The following IQSEC1 variants were observed in gnomAD, a reference collection of about 807,000 sequenced individuals.
The protein encoded by IQSEC1 is IQ motif and SEC7 domain-containing protein 1.
A neutral mutation model predicts 91.0 loss-of-function variants in IQSEC1; 31 were observed. The ratio of observed to expected loss-of-function variants is 0.34; its 90% CI spans 0.26 to 0.46. The LOEUF is 0.46. Ranked by LOEUF, IQSEC1 falls within the 20% of genes least tolerant of loss-of-function variation. IQSEC1 has a pLI of 1.00. For synonymous variants in IQSEC1, 699 were observed against 662.6 expected (o/e 1.05, Z -0.84); for missense variants, 1,388 against 1,575.6 (o/e 0.88, Z 2.02).
chr3:12,901,155 T>C lies in IQSEC1; in HGVS notation c.3173A>G (p.Tyr1058Cys), dbSNP rs1694236390. Residue 1058 changes from tyrosine to cysteine, a missense_variant, in exon 14 of 14, where the codon TAC (tyrosine) becomes TGC (cysteine). By Grantham distance (194) the Tyr-to-Cys change is radical. Coordinates refer to ENST00000613206, the MANE Select transcript of IQSEC1 (RefSeq NM_001134382.3). ...PPQHIQHAHQYHHGPHGGHPA... is the reference protein window; with the variant it reads ...PPQHIQHAHQCHHGPHGGHPA... ...GTGGCCCCCATGGGGGCCGTGGTGG[T>C]ACTGGTGTGCGTGCTGGATGTGCTG... The C allele has an allele frequency of 1.9e-6, 3 of 1,543,480 alleles. No individual in the cohort carries two copies. Among genetic ancestry groups the C allele is most frequent in the African/African-American group, 1.4e-5 (1 of 72,890 alleles).
intron 1 of IQSEC1, among the ~76,000 whole-genome samples, chr3:13,175,655 G>A (rs1051532413): frequency 6.6e-6 from 1 of 152,250 alleles, no homozygotes; most frequent in Admixed American, 6.5e-5. Flanking sequence ...GCCATACGCT[G>A]GCTGGCTTAT....
upstream of IQSEC1, among the ~76,000 whole-genome samples, chr3:13,074,526 C>T (rs1383100590): frequency 3.9e-5 from 6 of 152,164 alleles, no homozygotes; most frequent in East Asian, 3.9e-4. Context: ...AATATTCTTC[C>T]GTGCACGGTA....
chr3:13,161,721 G>A (rs1478015858), intron 2 of IQSEC1, among the ~76,000 whole-genome samples: 2 of 152,226 alleles, frequency 1.3e-5, no homozygotes, highest in Non-Finnish European at 2.9e-5. Context: ...CACACGGCAG[G>A]GCATTTTGGG....
intron 2 of IQSEC1, among the ~76,000 whole-genome samples, chr3:13,094,498 T>C (rs964279350): frequency 3.9e-5 from 6 of 152,106 alleles, no homozygotes; most frequent in Non-Finnish European, 7.4e-5. Flanking sequence ...CTGAGCCCCT[T>C]TAATTTTGTT....
At chr3:13,123,671 T>C (rs752556756) in intron 2 of IQSEC1, among the ~76,000 whole-genome samples, 5 of 152,334 alleles carry the variant, frequency 3.3e-5, no homozygotes, top group Non-Finnish European at 7.3e-5. Flanking sequence ...CACCCCTTGA[T>C]TGAGCCTTCT....
chr3:12,924,157 G>A lies in IQSEC1; in HGVS notation c.1730+424C>T, dbSNP rs536839191. On this transcript the variant is annotated intron_variant, in intron 4 of 13. Coordinates refer to ENST00000613206, the MANE Select transcript of IQSEC1 (RefSeq NM_001134382.3). The surrounding 1 kb of genome is among the most constrained non-coding windows in gnomAD (Gnocchi z 6.3). ...CAAACAGGGCATGCAGTCCATGCAGGAGGACAACAGCCAGGCCAGGGGAAG... is the reference window on the plus strand; with the variant it reads ...CAAACAGGGCATGCAGTCCATGCAGAAGGACAACAGCCAGGCCAGGGGAAG... 2.0e-5 allele frequency among the ~76,000 whole-genome samples: 3 copies of A among 152,310 alleles called. No homozygotes were observed. The highest frequency in any genetic ancestry group is 4.8e-5 in the African/African-American group (2 of 41,562).
chr3:13,277,248 G>A (rs1378214288), intron 1 of IQSEC1, among the ~76,000 whole-genome samples: 3 of 151,494 alleles, frequency 2.0e-5, no homozygotes, highest in East Asian at 3.9e-4. Context: ...CCAAATGCCT[G>A]ACTCCAGGCC....
chr3:12,914,278 A>G, intron 8 of IQSEC1, among the ~76,000 whole-genome samples: 1 of 152,206 alleles, frequency 6.6e-6, no homozygotes, highest in Admixed American at 6.5e-5. Context: ...CCAATGCCTC[A>G]GGGCGAGGGA....
In IQSEC1 at chr3:12,922,282, C is replaced by A. The variant is rs756692504; in HGVS notation, c.1731-40G>T. 5 of 1,505,506 alleles carry A rather than the reference C, an allele frequency of 3.3e-6. No homozygotes were observed. Among genetic ancestry groups the A allele is most frequent in the Admixed American group, 1.9e-5 (1 of 51,948 alleles). 93.3% of individuals were successfully genotyped at this position (1,505,506 alleles called of 1,614,324 possible). ...GACAGCCCCGCATAAGCACCCCTTG[C>A]AGGTGCGACACGCCCAGCCCACCCC... On this transcript the variant is annotated intron_variant, in intron 4 of 13. Transcript: ENST00000613206. This position sits in a 1 kb window ranked among gnomAD's most constrained non-coding sequence, Gnocchi z 5.1.
intron 1 of IQSEC1, among the ~76,000 whole-genome samples, chr3:13,011,070 T>G (rs1576161085): frequency 7.5e-6 from 1 of 132,504 alleles, no homozygotes; most frequent in Admixed American, 7.1e-5. Context: ...TGAAATTCAC[T>G]TTTTTTTTTC....
intron 1 of IQSEC1, among the ~76,000 whole-genome samples, chr3:13,203,496 G>A (rs1298233487): frequency 6.6e-6 from 1 of 152,206 alleles, no homozygotes; most frequent in Non-Finnish European, 1.5e-5. Context: ...TCCCAAGCCT[G>A]TCCTGGTGAT....
intron 1 of IQSEC1, among the ~76,000 whole-genome samples, chr3:13,213,893 T>C (rs1694491308): frequency 6.6e-6 from 1 of 152,072 alleles, no homozygotes; most frequent in African/African-American, 2.4e-5. Flanking sequence ...CCAGGCACCA[T>C]CCTGGGCTCG....
At position 12,908,203 on chromosome 3, in the gene IQSEC1, T is replaced by C. The variant is rs1695191211; in HGVS notation, c.2755+146A>G. 4 of 785,888 alleles carry C rather than the reference T, an allele frequency of 5.1e-6. No homozygotes were observed. The South Asian group carries it at 7.1e-5, about 14-fold the overall frequency. 48.7% of individuals were successfully genotyped at this position (785,888 alleles called of 1,614,324 possible). A position where few individuals can be genotyped will look rare whatever the true frequency, so the allele number is the denominator to read the frequency against. On this transcript the variant is annotated intron_variant, in intron 12 of 13. Coordinates refer to ENST00000613206, the MANE Select transcript of IQSEC1 (RefSeq NM_001134382.3). The surrounding 1 kb of genome is among the most constrained non-coding windows in gnomAD (Gnocchi z 4.9). ...GGCGCCCTTTCTGTATGTCACACGCTGCTCTGCTTTGCGGAAGGTCAGGGG... is the reference window on the plus strand; with the variant it reads ...GGCGCCCTTTCTGTATGTCACACGCCGCTCTGCTTTGCGGAAGGTCAGGGG...
chr3:12,945,209 A>C (rs1699099766), intron 1 of IQSEC1, among the ~76,000 whole-genome samples: 2 of 152,020 alleles, frequency 1.3e-5, no homozygotes, highest in Non-Finnish European at 2.9e-5. Context: ...ATCTTTGGGG[A>C]TAGGATTGCA....
intron 1 of IQSEC1, among the ~76,000 whole-genome samples, chr3:12,951,545 C>T (rs141097333): frequency 2.3e-3 from 346 of 152,316 alleles, no homozygotes; most frequent in African/African-American, 7.7e-3. Flanking sequence ...GTTCTAGTGC[C>T]GGTCAGCCAT....
upstream of IQSEC1, among the ~76,000 whole-genome samples, chr3:13,075,212 T>A (rs934275816): frequency 3.9e-5 from 6 of 152,172 alleles, no homozygotes; most frequent in Non-Finnish European, 4.4e-5. Flanking sequence ...ATTCAGCCAC[T>A]GCATCAGGAG....
intron 1 of IQSEC1, among the ~76,000 whole-genome samples, chr3:13,070,034 G>C (rs964789650): frequency 6.6e-6 from 1 of 150,768 alleles, no homozygotes; most frequent in Non-Finnish European, 1.5e-5. Context: ...TCCCTTGGGT[G>C]CACACCAGGG....
chr3:13,006,689 GCCA>G (rs1309366280), intron 1 of IQSEC1, among the ~76,000 whole-genome samples: 9 of 152,376 alleles, frequency 5.9e-5, no homozygotes, highest in Non-Finnish European at 1.2e-4. Flanking sequence ...TCTAGAGACT[GCCA>G]GCTGGTGTTG....
Position 12,902,644 on chromosome 3 carries a change from AAAAAAAAAAACAAC to A in IQSEC1, c.2805+115_2805+128del. The A allele has an allele frequency of 5.9e-5, 22 of 370,772 alleles. No homozygotes were observed. In the South Asian group the frequency reaches 8.0e-4, roughly 14 times the overall value. The allele number at this position is 370,772 out of a possible 1,614,324, so 23.0% of individuals were successfully genotyped here. ...CTGTGCAGTAGGGGAAGGAAAAGCC[AAAAAAAAAAACAAC>A]AAAAAAAAAACCAAAAAAAAAAAAA... On this transcript the variant is annotated intron_variant, in intron 13 of 13. Transcript: ENST00000613206.
Sources: allele counts gnomAD v4.1 joint callset (sites outside exome capture counted in the v4.1 genomes callset), GRCh38; gene constraint gnomAD v4.1.1; non-coding constraint Gnocchi (gnomAD v3.1); transcripts MANE v1.5; gene names NCBI Gene and HGNC (gene_info 2026-07-23, HGNC 2026-07-21).